Variants in POLDIP3 observed in about 807,000 individuals in gnomAD.
POLDIP3 encodes polymerase delta-interacting protein 3.
Under a neutral mutation model 45.1 loss-of-function variants are expected in POLDIP3, and 14 were observed. That is an observed-to-expected ratio of 0.31 (90% CI 0.20 to 0.49). The LOEUF (loss-of-function observed/expected upper bound fraction) is 0.49. POLDIP3 is among the 20% of genes least tolerant of loss of function. The pLI is 0.99. For missense variants in POLDIP3, 511 were observed against 538.8 expected, an observed-to-expected ratio of 0.95 and a Z score of 0.51; for synonymous variants, 223 against 205.2, an observed-to-expected ratio of 1.09 and a Z score of -0.74.
intron 6 of POLDIP3, 145 bp downstream of exon 6, chr22:42,595,392 T>C (rs1398229503): frequency 2.8e-6 from 2 of 715,156 alleles, no homozygotes; most frequent in African/African-American, 3.5e-5. Flanking sequence ...TGCATCCTTT[T>C]GCTGTCATTA....
In POLDIP3 at chr22:42,601,621, T is replaced by C. The variant is rs373221123; in HGVS notation, c.537+349A>G. Among the ~76,000 whole-genome samples the C allele has an allele frequency of 1.9e-4, 29 of 151,906 alleles. No homozygotes were observed. In the East Asian group the frequency reaches 3.7e-3, roughly 19 times the overall value. ...ACTAAAAATACAAAAATTAGCTGGG[T>C]GTGGTGGTACGCGCCTGTAGTCCCA... On this transcript the variant is annotated intron_variant, in intron 3 of 8. Transcript: ENST00000252115.
In POLDIP3 at chr22:42,614,818, C is replaced by G. The variant is rs745916629; in HGVS notation, c.40G>C (p.Gly14Arg). Residue 14 changes from glycine (G) to arginine (R), a missense_variant, in exon 1 of 9, where the codon GGG (glycine) becomes CGG (arginine). Around this residue, in one of 4 missense-constraint regions of POLDIP3, gnomAD observed 378 missense variants for 352.3 expected, o/e 1.07. Transcript: ENST00000252115. Reference sequence around the variant, plus strand: ...TCTCACCGTCCTTTCGCCGCCGCCCCGCGCTTCCTGATGAGTTCGTCCAGG... The same window carrying G: ...TCTCACCGTCCTTTCGCCGCCGCCCGGCGCTTCCTGATGAGTTCGTCCAGG... ...ISLDELIRKRGAAAKGRLNAR... is the reference protein window; with the variant it reads ...ISLDELIRKRRAAAKGRLNAR... The G allele has an allele frequency of 5.0e-6, 8 of 1,614,086 alleles. No homozygotes were observed. The South Asian group carries it at 7.7e-5, about 16-fold the overall frequency.
At chr22:42,604,822 A>T (rs1472438296) in intron 1 of POLDIP3, among the ~76,000 whole-genome samples, 3 of 152,240 alleles carry the variant, frequency 2.0e-5, no homozygotes, top group Admixed American at 2.0e-4. Context: ...GGTAATACAG[A>T]CTGAACATCT....
rs199649790 is a variant in POLDIP3 at position 42,599,748 on chromosome 22, G to A, written c.583C>T (p.Pro195Ser). 30 of 1,612,336 alleles carry A rather than the reference G, an allele frequency of 1.9e-5. No individual in the cohort carries two copies. Among genetic ancestry groups the A allele is most frequent in the Admixed American group, 3.3e-5 (2 of 59,876 alleles). ...DEDDDGIASVPTKQMKFAASG... is the reference protein window; with the variant it reads ...DEDDDGIASVSTKQMKFAASG... ...GCTGCAAACTTCATCTGTTTAGTAG[G>A]AACGGAAGCTATACCATCATCATCT... Residue 195 changes from proline to serine, a missense_variant, in exon 4 of 9, where the codon CCT becomes TCT. By Grantham distance (74) the Pro-to-Ser change is moderately conservative (BLOSUM62 -1). Coordinates refer to ENST00000252115, the MANE Select transcript of POLDIP3 (RefSeq NM_032311.5).
At position 42,585,556 on chromosome 22, in the gene POLDIP3, C is replaced by T. The variant is rs1925250894; in HGVS notation, c.*235G>A. ...GCACACACTGAAAAACACAAGCCTACCTTGGCGATGAGATGAAGAAACATA... is the reference window on the plus strand; with the variant it reads ...GCACACACTGAAAAACACAAGCCTATCTTGGCGATGAGATGAAGAAACATA... On this transcript the variant is annotated 3_prime_UTR_variant, in exon 9 of 9. Coordinates refer to ENST00000252115, the MANE Select transcript of POLDIP3 (RefSeq NM_032311.5). 5.8e-6 allele frequency: 3 copies of T among 518,326 alleles called. No homozygotes were observed. The highest frequency in any genetic ancestry group is 1.0e-5 in the Non-Finnish European group (3 of 289,780). The allele number at this position is 518,326 out of a possible 1,614,324, so 32.1% of individuals were successfully genotyped here.
intron 4 of POLDIP3, 30 bp downstream of exon 4, chr22:42,599,668 C>G (rs138674212): frequency 8.8e-6 from 13 of 1,484,704 alleles, no homozygotes; most frequent in Non-Finnish European, 1.1e-5. Context: ...TGATCAGACA[C>G]GCAGTGTAAG....
In POLDIP3 at chr22:42,605,865, G is replaced by A. The variant is rs79671201; in HGVS notation, c.60-2705C>T. On this transcript the variant is annotated intron_variant, in intron 1 of 8. Transcript: ENST00000252115. ...ACCTCAGAAACTTGCAGCTAGGCCA[G>A]GCACAGTGACTCACACCTGTAATCC... 3.0e-3 allele frequency among the ~76,000 whole-genome samples: 460 copies of A among 152,324 alleles called. 1 individual carries two copies. The highest frequency in any genetic ancestry group is 5.4e-3 in the Non-Finnish European group (368 of 68,026).
Position 42,584,591 on chromosome 22 carries a change from C to A in POLDIP3, c.*1200G>T. ...AGCAGGGGACCACTCAGTGACAACA[C>A]TGGCCTGGTCATTCAGGGACTGCCT... On this transcript the variant is annotated 3_prime_UTR_variant, in exon 9 of 9. Coordinates refer to ENST00000252115, the MANE Select transcript of POLDIP3 (RefSeq NM_032311.5). The A allele has an allele frequency of 3.3e-6, 1 of 303,768 alleles. No individual in the cohort carries two copies. Among genetic ancestry groups the A allele is most frequent in the South Asian group, 2.7e-5 (1 of 36,622 alleles). 18.8% of individuals were successfully genotyped at this position (303,768 alleles called of 1,614,324 possible).
chr22:42,607,417 T>C (rs906793124), intron 1 of POLDIP3, among the ~76,000 whole-genome samples: 1 of 152,252 alleles, frequency 6.6e-6, no homozygotes, highest in Non-Finnish European at 1.5e-5. Context: ...TCAGTGCTCG[T>C]TGCCCAGGCT....
chr22:42,609,490 T>C (rs1490467548), intron 1 of POLDIP3, among the ~76,000 whole-genome samples: 1 of 152,186 alleles, frequency 6.6e-6, no homozygotes, highest in Admixed American at 6.5e-5. Context: ...GTCTGGGCTA[T>C]AGGAATATTT....
chr22:42,595,322 G>A (rs1925917409), intron 6 of POLDIP3, among the ~76,000 whole-genome samples: 1 of 152,204 alleles, frequency 6.6e-6, no homozygotes, highest in Non-Finnish European at 1.5e-5. Flanking sequence ...TCTGCTGGGA[G>A]GGGCCTCTGG....
In POLDIP3 at chr22:42,585,341, C is replaced by A. The variant is rs1267240622; in HGVS notation, c.*450G>T. 7 of 465,446 alleles carry A rather than the reference C, an allele frequency of 1.5e-5. No individual in the cohort carries two copies. The highest frequency in any genetic ancestry group is 3.0e-5 in the Non-Finnish European group (7 of 233,764). The allele number at this position is 465,446 out of a possible 1,614,324, so 28.8% of individuals were successfully genotyped here. On this transcript the variant is annotated 3_prime_UTR_variant, in exon 9 of 9. Transcript: ENST00000252115. ...CCTGGCTCCCGTCAGGACACCAGGG[C>A]TCTCCATCCCCTCCATTGTTTGAAA...
At chr22:42,613,424 A>C (rs1443964902) in intron 1 of POLDIP3, among the ~76,000 whole-genome samples, 1 of 152,196 alleles carries the variant, frequency 6.6e-6, no homozygotes, top group African/African-American at 2.4e-5. Context: ...TTCAGACATC[A>C]AGAGAAAAAC....
At chr22:42,598,134 G>A (rs1229836915) in intron 4 of POLDIP3, among the ~76,000 whole-genome samples, 1 of 150,876 alleles carries the variant, frequency 6.6e-6, no homozygotes, top group East Asian at 2.0e-4. Context: ...CCAGGCTGGA[G>A]TGCAGTGGCA....
At chr22:42,601,648 A>C (rs1398144594) in intron 3 of POLDIP3, among the ~76,000 whole-genome samples, 1 of 152,004 alleles carries the variant, frequency 6.6e-6, no homozygotes, top group Non-Finnish European at 1.5e-5. Flanking sequence ...GTAGTCCCAG[A>C]TACTCAGGAG....
intron 7 of POLDIP3, among the ~76,000 whole-genome samples, 181 bp from the exon 8 acceptor site, chr22:42,587,753 G>A (rs559435586): frequency 4.6e-5 from 7 of 152,298 alleles, no homozygotes; most frequent in South Asian, 4.1e-4. Context: ...ATCCCAGGGC[G>A]TGAGGAAACC....
chr22:42,591,005 C>A (rs1369428013), intron 7 of POLDIP3, among the ~76,000 whole-genome samples: 1 of 151,144 alleles, frequency 6.6e-6, no homozygotes, highest in Non-Finnish European at 1.5e-5. Flanking sequence ...ACCGGGGAGG[C>A]GGAGGTTGCA....
chr22:42,595,510 A>G, intron 6 of POLDIP3, 27 bp downstream of exon 6: 1 of 1,604,214 alleles, frequency 6.2e-7, no homozygotes, highest in Non-Finnish European at 8.5e-7. Context: ...TTTGAGATTT[A>G]AATGTTTGGT....
intron 4 of POLDIP3, among the ~76,000 whole-genome samples, chr22:42,598,910 T>C (rs1926170291): frequency 6.6e-6 from 1 of 152,224 alleles, no homozygotes; most frequent in Non-Finnish European, 1.5e-5. Context: ...CTCTGCATGA[T>C]GTCTGACCAA....
Sources: allele counts gnomAD v4.1 joint callset (sites outside exome capture counted in the v4.1 genomes callset), GRCh38; gene constraint gnomAD v4.1.1; regional missense constraint gnomAD v4.1.1; transcripts MANE v1.5; gene names NCBI Gene and HGNC (gene_info 2026-07-23, HGNC 2026-07-21).